GOLGA8B: variants seen among roughly 807,000 people sequenced by gnomAD.
The protein encoded by GOLGA8B is golgin subfamily A member 8B.
Under a neutral mutation model 15.6 loss-of-function variants are expected in GOLGA8B, and 1 was observed. The ratio of observed to expected loss-of-function variants is 0.06; its 90% CI spans 0.02 to 0.30. GOLGA8B has a LOEUF of 0.30. GOLGA8B is among the 10% of genes least tolerant of loss of function. The pLI is 1.00. For synonymous variants in GOLGA8B, 9 were observed against 80.3 expected, an observed-to-expected ratio of 0.11 and a Z score of 4.75; for missense variants, 17 against 201.3, an observed-to-expected ratio of 0.08 and a Z score of 5.54.
At chr15:34,583,106 C>T (rs1363117846) in intron 1 of GOLGA8B, among the ~76,000 whole-genome samples, 1 of 152,142 alleles carries the variant, frequency 6.6e-6, no homozygotes, top group African/African-American at 2.4e-5. Flanking sequence ...AGCTCGGGGA[C>T]TTGATGCCGG....
Position 34,526,834 on chromosome 15 carries a change from G to A in GOLGA8B, c.*798C>T, listed in dbSNP as rs1385441911. The A allele has an allele frequency of 6.7e-6, 1 of 149,398 alleles. No homozygotes were observed. The highest frequency in any genetic ancestry group is 2.0e-4 in the East Asian group (1 of 5,102). The allele number at this position is 149,398 out of a possible 1,614,324, so 9.3% of individuals were successfully genotyped here. ...AAGCCATTTTTAGGTCACTGAAAAA[G>A]AGTGCAACTGCTGCAGCTCACGATG... On this transcript the variant is annotated 3_prime_UTR_variant, in exon 24 of 24. Coordinates refer to ENST00000683415, the MANE Select transcript of GOLGA8B (RefSeq NM_001023567.5).
intron 1 of GOLGA8B, among the ~76,000 whole-genome samples, chr15:34,574,259 C>T (rs867118401): frequency 2.6e-5 from 4 of 151,994 alleles, no homozygotes; most frequent in Middle Eastern, 3.2e-3. Context: ...GCTCTCCACT[C>T]CCAACCCCCA....
chr15:34,571,721 G>A (rs919698767), intron 1 of GOLGA8B, among the ~76,000 whole-genome samples: 1 of 151,972 alleles, frequency 6.6e-6, no homozygotes, highest in Admixed American at 6.6e-5. Flanking sequence ...AGTATTAGCA[G>A]AATATGCAGG....
At chr15:34,580,626 G>A (rs1337425362) in intron 1 of GOLGA8B, among the ~76,000 whole-genome samples, 2 of 152,106 alleles carry the variant, frequency 1.3e-5, no homozygotes, top group African/African-American at 4.8e-5. Context: ...GACTCAGCCT[G>A]TGCCAGCAGG....
At chr15:34,576,664 G>A (rs1451072199) in intron 1 of GOLGA8B, among the ~76,000 whole-genome samples, 1 of 152,194 alleles carries the variant, frequency 6.6e-6, no homozygotes, top group Non-Finnish European at 1.5e-5. Context: ...TGCCATTCCC[G>A]AGAGAATCAA....
At position 34,567,505 on chromosome 15, in the gene GOLGA8B, G is replaced by A. The variant is rs748583542; in HGVS notation, c.-1122-13549C>T. 1.3e-5 allele frequency among the ~76,000 whole-genome samples: 2 copies of A among 151,808 alleles called. 1 individual carries two copies. Among genetic ancestry groups the A allele is most frequent in the African/African-American group, 4.9e-5 (2 of 41,118 alleles). ...TTTTCCATTAAACGAGAAGAAAATCGGCTATTGTGAGAAGAGTCACATGAA... is the reference window on the plus strand; with the variant it reads ...TTTTCCATTAAACGAGAAGAAAATCAGCTATTGTGAGAAGAGTCACATGAA... On this transcript the variant is annotated intron_variant, in intron 1 of 23. Transcript: ENST00000683415.
At chr15:34,580,339 G>C (rs902706509) in intron 1 of GOLGA8B, among the ~76,000 whole-genome samples, 42 of 152,304 alleles carry the variant, frequency 2.8e-4, no homozygotes, top group Non-Finnish European at 4.7e-4. Context: ...CATGGATGTG[G>C]AGGGAGCACT....
chr15:34,580,127 G>A (rs1267973602), intron 1 of GOLGA8B, among the ~76,000 whole-genome samples: 5 of 152,124 alleles, frequency 3.3e-5, no homozygotes, highest in South Asian at 2.1e-4. Context: ...TGGCAAATCC[G>A]AGGACCAAGG....
At chr15:34,574,638 C>T (rs1415721095) in intron 1 of GOLGA8B, among the ~76,000 whole-genome samples, 1 of 152,130 alleles carries the variant, frequency 6.6e-6, no homozygotes, top group Non-Finnish European at 1.5e-5. Flanking sequence ...TAACAAGTAG[C>T]AGGCCTTTCC....
At chr15:34,577,040 T>C (rs1050036549) in intron 1 of GOLGA8B, among the ~76,000 whole-genome samples, 2 of 150,214 alleles carry the variant, frequency 1.3e-5, no homozygotes, top group Admixed American at 1.3e-4. Flanking sequence ...CTCTGAGCAG[T>C]GACGCTCTAC....
chr15:34,569,975 C>T (rs937371264), intron 1 of GOLGA8B, among the ~76,000 whole-genome samples: 11 of 152,322 alleles, frequency 7.2e-5, no homozygotes, highest in South Asian at 2.1e-4. Flanking sequence ...AGGGTGGGGG[C>T]TCCCCTCAAC....
intron 1 of GOLGA8B, among the ~76,000 whole-genome samples, chr15:34,578,941 G>A (rs573919731): frequency 1.6e-4 from 24 of 152,064 alleles, no homozygotes; most frequent in Non-Finnish European, 3.2e-4. Context: ...TCACTAGGCC[G>A]TAGCTGTAAC....
chr15:34,571,335 AT>A (rs1314847759), intron 1 of GOLGA8B, among the ~76,000 whole-genome samples: 1 of 152,186 alleles, frequency 6.6e-6, no homozygotes, highest in African/African-American at 2.4e-5. Flanking sequence ...TTAAAAAAAA[AT>A]AAAGCTTATC....
chr15:34,574,582 G>A (rs1212334704), intron 1 of GOLGA8B, among the ~76,000 whole-genome samples: 1 of 152,082 alleles, frequency 6.6e-6, no homozygotes, highest in East Asian at 1.9e-4. Context: ...TGGGATTACA[G>A]CATGAACCAC....
At chr15:34,571,968 G>A (rs76717751) in intron 1 of GOLGA8B, among the ~76,000 whole-genome samples, 1 of 152,038 alleles carries the variant, frequency 6.6e-6, no homozygotes, top group Non-Finnish European at 1.5e-5. Context: ...AATCAACAAG[G>A]AAAAGCTACA....
chr15:34,557,228 C>T (rs2140340761), intron 1 of GOLGA8B, among the ~76,000 whole-genome samples: 1 of 108,216 alleles, frequency 9.2e-6, no homozygotes, highest in East Asian at 2.3e-4. Context: ...CTGGTGCTCA[C>T]CCACTGCTGC....
At chr15:34,577,202 A>T (rs934610731) in intron 1 of GOLGA8B, among the ~76,000 whole-genome samples, 2 of 147,226 alleles carry the variant, frequency 1.4e-5, no homozygotes, top group Non-Finnish European at 3.0e-5. Context: ...TATTACACCA[A>T]AAGACTGAGA....
intron 1 of GOLGA8B, among the ~76,000 whole-genome samples, chr15:34,563,902 A>C (rs1393711088): frequency 2.8e-5 from 4 of 142,706 alleles, no homozygotes. Context: ...TTTTATATTA[A>C]ATAAGATTAT....
In GOLGA8B at chr15:34,572,233, C is replaced by A. The variant is rs1213890206; in HGVS notation, c.-1123+11283G>T. 9.2e-5 allele frequency among the ~76,000 whole-genome samples: 14 copies of A among 152,338 alleles called. No homozygotes were observed. In the South Asian group the frequency reaches 2.9e-3, roughly 32 times the overall value. ...CTAGCATCATTTAGAATGGTCACCA[C>A]CTGTCAAGAGAGCAATTTGGCAATA... is the stretch of plus-strand genomic sequence containing the variant. On this transcript the variant is annotated intron_variant, in intron 1 of 23. Coordinates refer to ENST00000683415, the MANE Select transcript of GOLGA8B (RefSeq NM_001023567.5).
Sources: allele counts gnomAD v4.1 joint callset (sites outside exome capture counted in the v4.1 genomes callset), GRCh38; gene constraint gnomAD v4.1.1; transcripts MANE v1.5; gene names NCBI Gene and HGNC (gene_info 2026-07-23, HGNC 2026-07-21).